Variants in PRORP observed in about 807,000 individuals in gnomAD.
The protein encoded by PRORP is mitochondrial ribonuclease P catalytic subunit.
A neutral mutation model predicts 59.4 loss-of-function variants in PRORP; 51 were observed. The observed-to-expected ratio is 0.86, with a 90% CI of 0.69 to 1.08. The LOEUF is 1.08. Ranked by LOEUF, PRORP falls within the 50% of genes least tolerant of loss-of-function variation. The pLI is 0.00. For missense variants in PRORP, 646 were observed against 690.3 expected (o/e 0.94, Z 0.72); for synonymous variants, 231 against 245.6 (o/e 0.94, Z 0.55).
intron 5 of PRORP, among the ~76,000 whole-genome samples, chr14:35,210,092 T>C (rs2049399959): frequency 6.6e-6 from 1 of 152,222 alleles, no homozygotes; most frequent in Non-Finnish European, 1.5e-5. Flanking sequence ...AAAATTGTTC[T>C]GTATCCTAAT....
chr14:35,200,072 A>G (rs2049107846), intron 5 of PRORP, among the ~76,000 whole-genome samples: 1 of 152,244 alleles, frequency 6.6e-6, no homozygotes. Flanking sequence ...CCTGCAAGAT[A>G]AAAATACAGT....
intron 4 of PRORP, among the ~76,000 whole-genome samples, chr14:35,161,236 C>T (rs1163701061): frequency 1.3e-5 from 2 of 152,172 alleles, no homozygotes; most frequent in Non-Finnish European, 2.9e-5. Context: ...ATAGTATAGA[C>T]TTTTTACAGT....
At chr14:35,214,884 G>A (rs2049546615) in intron 5 of PRORP, among the ~76,000 whole-genome samples, 1 of 152,204 alleles carries the variant, frequency 6.6e-6, no homozygotes, top group Admixed American at 6.5e-5. Context: ...TCCAGCCTGG[G>A]CGACAGAGCG....
intron 5 of PRORP, among the ~76,000 whole-genome samples, chr14:35,244,809 C>G (rs1429296603): frequency 2.0e-5 from 3 of 152,150 alleles, no homozygotes; most frequent in Non-Finnish European, 4.4e-5. Context: ...TTCTTCTTCC[C>G]CAACTCTCCA....
intron 4 of PRORP, among the ~76,000 whole-genome samples, chr14:35,165,467 A>G (rs887809148): frequency 1.3e-5 from 2 of 152,240 alleles, no homozygotes; most frequent in Non-Finnish European, 2.9e-5. Context: ...GCAATAAGAA[A>G]GTATATGTAA....
chr14:35,183,046 T>TG (rs1264842111), intron 5 of PRORP, among the ~76,000 whole-genome samples: 1 of 152,170 alleles, frequency 6.6e-6, no homozygotes, highest in Non-Finnish European at 1.5e-5. Context: ...TGTGCTGCTG[T>TG]GGAACAGTTG....
chr14:35,213,945 A>G (rs915724830), intron 5 of PRORP, among the ~76,000 whole-genome samples: 3 of 152,236 alleles, frequency 2.0e-5, no homozygotes, highest in African/African-American at 7.2e-5. Context: ...GACTGCCACC[A>G]ATCTTCAATT....
chr14:35,202,864 C>A (rs2049192831), intron 5 of PRORP, among the ~76,000 whole-genome samples: 1 of 152,036 alleles, frequency 6.6e-6, no homozygotes, highest in African/African-American at 2.4e-5. Context: ...GAACTCCTGG[C>A]CTCAAGCAAT....
chr14:35,196,430 T>C (rs1259132130), intron 5 of PRORP, among the ~76,000 whole-genome samples: 1 of 152,174 alleles, frequency 6.6e-6, no homozygotes, highest in Non-Finnish European at 1.5e-5. Flanking sequence ...CCTGGAGATC[T>C]AGGCTGCAGT....
intron 4 of PRORP, among the ~76,000 whole-genome samples, chr14:35,154,158 A>G (rs553804940): frequency 2.2e-4 from 33 of 152,352 alleles, no homozygotes; most frequent in African/African-American, 7.9e-4. Context: ...AGATAAGGTC[A>G]GCTTTTCCTA....
At chr14:35,126,464 T>G (rs1051333864) in intron 2 of PRORP, among the ~76,000 whole-genome samples, 2 of 152,194 alleles carry the variant, frequency 1.3e-5, no homozygotes, top group East Asian at 3.8e-4. Context: ...TTAGAGGTTA[T>G]GCTACTAAGG....
chr14:35,217,007 T>C (rs949247283), intron 5 of PRORP, among the ~76,000 whole-genome samples: 4 of 152,230 alleles, frequency 2.6e-5, no homozygotes, highest in African/African-American at 9.6e-5. Flanking sequence ...TTTTCTTTTA[T>C]TATTGAATTG....
At chr14:35,267,705 C>A (rs548381147) in intron 6 of PRORP, among the ~76,000 whole-genome samples, 3 of 151,892 alleles carry the variant, frequency 2.0e-5, no homozygotes, top group Non-Finnish European at 2.9e-5. Context: ...GGCGTGAACC[C>A]GGGAGGCGGA....
At chr14:35,254,394 T>C (rs1365340316) in intron 5 of PRORP, among the ~76,000 whole-genome samples, 1 of 152,102 alleles carries the variant, frequency 6.6e-6, no homozygotes. Flanking sequence ...TGTTTGTTTG[T>C]TTGTTTGTTT....
chr14:35,187,157 T>G (rs1298799645), intron 5 of PRORP, among the ~76,000 whole-genome samples: 1 of 152,188 alleles, frequency 6.6e-6, no homozygotes, highest in Non-Finnish European at 1.5e-5. Flanking sequence ...ATGTTTTCAT[T>G]TCTTTTGGCT....
intron 5 of PRORP, among the ~76,000 whole-genome samples, chr14:35,213,999 G>A (rs533229665): frequency 6.6e-6 from 1 of 152,278 alleles, no homozygotes; most frequent in African/African-American, 2.4e-5. Flanking sequence ...ATAAAATAAT[G>A]TATACCTGTA....
intron 5 of PRORP, among the ~76,000 whole-genome samples, chr14:35,236,320 G>A (rs1230449946): frequency 6.6e-6 from 1 of 152,038 alleles, no homozygotes; most frequent in African/African-American, 2.4e-5. Context: ...ATGCTTTTCT[G>A]ATTCTCTTGG....
intron 4 of PRORP, among the ~76,000 whole-genome samples, chr14:35,133,128 G>T (rs763765387): frequency 2.6e-5 from 4 of 152,034 alleles, no homozygotes; most frequent in Non-Finnish European, 4.4e-5. Context: ...CACCATGTTG[G>T]CCAGGCTGGT....
chr14:35,240,905 C>G (rs2050349219), intron 5 of PRORP, among the ~76,000 whole-genome samples: 1 of 152,104 alleles, frequency 6.6e-6, no homozygotes, highest in Admixed American at 6.5e-5. Flanking sequence ...GTGGGTTCCC[C>G]TCGCCCGTGG....
Sources: allele counts gnomAD v4.1 joint callset (sites outside exome capture counted in the v4.1 genomes callset), GRCh38; gene constraint gnomAD v4.1.1; transcripts MANE v1.5; gene names NCBI Gene and HGNC (gene_info 2026-07-23, HGNC 2026-07-21).